Variants in DROSHA observed in about 807,000 individuals in gnomAD.
DROSHA encodes the protein drosha ribonuclease III.
Under a neutral mutation model 181.9 loss-of-function variants are expected in DROSHA, and 56 were observed. The ratio of observed to expected loss-of-function variants is 0.31; its 90% confidence interval spans 0.25 to 0.38. DROSHA has a LOEUF of 0.38. Ranked by LOEUF, DROSHA falls within the 10% of genes least tolerant of loss-of-function variation. The pLI is 1.00. For synonymous variants in DROSHA, 524 were observed against 591.2 expected, an observed-to-expected ratio of 0.89 and a Z score of 1.65; for missense variants, 1,218 against 1,743.5, an observed-to-expected ratio of 0.70 and a Z score of 5.37.
At chr5:31,519,040 C>T (rs1739580131) in intron 6 of DROSHA, among the ~76,000 whole-genome samples, 1 of 152,132 alleles carries the variant, frequency 6.6e-6, no homozygotes, top group Admixed American at 6.6e-5. Flanking sequence ...AAAATCCAAA[C>T]TCCCAATGTT....
intron 30 of DROSHA, among the ~76,000 whole-genome samples, chr5:31,418,548 C>A (rs1742254077): frequency 6.6e-6 from 1 of 152,184 alleles, no homozygotes; most frequent in Non-Finnish European, 1.5e-5. Flanking sequence ...GGATTACAGG[C>A]ATGAACCACC....
chr5:31,453,926 A>AT (rs201688994), intron 20 of DROSHA, among the ~76,000 whole-genome samples: 2 of 146,844 alleles, frequency 1.4e-5, no homozygotes, highest in African/African-American at 5.3e-5. Flanking sequence ...AACTGCTTTA[A>AT]TTAAAAAAAA....
rs752431198 is a variant in DROSHA, at chr5:31,437,259, A to G, written c.2922T>C (p.Ala974=). ...HNERLEFLGD[A]VVEFLTSVHL... is the part of the protein sequence containing the mutation. ...ATTACCTGGTCAGAAATTCAACAAC[A>G]GCATCACCCAGGAATTCCAACCGTT... The change falls in exon 24 of 36, where the codon GCT becomes GCC. Residue 974 remains alanine (A), a synonymous_variant. Coordinates refer to ENST00000344624, the MANE Select transcript of DROSHA (RefSeq NM_001382508.1). 1.0e-5 allele frequency: 16 copies of G among 1,579,506 alleles called. No homozygotes were observed. The highest frequency in any genetic ancestry group is 1.4e-5 in the Non-Finnish European group (16 of 1,161,500).
chr5:31,432,135 T>TA (rs1197163348), intron 25 of DROSHA, among the ~76,000 whole-genome samples: 113 of 130,132 alleles, frequency 8.7e-4, no homozygotes, highest in African/African-American at 3.6e-3. Flanking sequence ...ACAAAACAGA[T>TA]TTTTTTTTTT....
intron 13 of DROSHA, among the ~76,000 whole-genome samples, chr5:31,487,060 C>A (rs571528555): frequency 2.6e-5 from 4 of 152,144 alleles, no homozygotes; most frequent in East Asian, 3.9e-4. Context: ...ATAATAATAA[C>A]AAATGATAAT....
Position 31,424,437 on chromosome 5 carries a change from T to G in DROSHA, c.3251A>C (p.His1084Pro). ...LREVWLNYPLHPLQLQEPNTD... is the reference protein window; with the variant it reads ...LREVWLNYPLPPLQLQEPNTD... ...GGAGGTCATACTTACTTGGAGTGGG[T>G]GGAGAGGATAATTGAGCCAGACTTC... Residue 1084 changes from histidine (H) to proline (P), a missense_variant, in exon 28 of 36, where the codon CAC becomes CCC. His to Pro is a moderately conservative substitution (Grantham distance 77, BLOSUM62 -2). This residue lies in a region of DROSHA where 71 missense variants were observed against 95.2 expected (regional missense o/e 0.75). Coordinates refer to ENST00000344624, the MANE Select transcript of DROSHA (RefSeq NM_001382508.1). The G allele has an allele frequency of 6.3e-7, 1 of 1,598,446 alleles. No homozygotes were observed. The highest frequency in any genetic ancestry group is 8.5e-7 in the Non-Finnish European group (1 of 1,172,516).
At chr5:31,447,073 A>T (rs1445024938) in intron 23 of DROSHA, among the ~76,000 whole-genome samples, 1 of 152,184 alleles carries the variant, frequency 6.6e-6, no homozygotes, top group Non-Finnish European at 1.5e-5. Flanking sequence ...ACACCATGGA[A>T]TACTATGCAG....
intron 10 of DROSHA, among the ~76,000 whole-genome samples, chr5:31,505,432 T>C (rs560455524): frequency 6.6e-6 from 1 of 152,042 alleles, no homozygotes; most frequent in Non-Finnish European, 1.5e-5. Context: ...CCAGCATGCA[T>C]GAGAAAAGGA....
At chr5:31,495,265 T>C (rs1461647761) in intron 12 of DROSHA, 21 bp downstream of exon 12, 5 of 1,607,946 alleles carry the variant, frequency 3.1e-6, no homozygotes, top group Non-Finnish European at 3.4e-6. Context: ...ATGATATGCA[T>C]GTGATTCTTT....
In DROSHA at chr5:31,478,649, G is replaced by A. The variant is rs897381815; in HGVS notation, c.2071+4905C>T. Among the ~76,000 whole-genome samples, 12 of 152,228 alleles carry A rather than the reference G, an allele frequency of 7.9e-5. No homozygotes were observed. In the East Asian group the frequency reaches 1.9e-3, roughly 25 times the overall value. The stretch of plus-strand genomic sequence containing the variant: ...CTTGGGAGGCTGAGGCAAGAGAATC[G>A]CTTGAACCCGGGAGGCAGAGGTTGC... On this transcript the variant is annotated intron_variant, in intron 16 of 35. Coordinates refer to ENST00000344624, the MANE Select transcript of DROSHA (RefSeq NM_001382508.1).
chr5:31,529,103 G>A lies in DROSHA; in HGVS notation c.-44C>T, dbSNP rs1246316448. 17 of 1,606,836 alleles carry A rather than the reference G, an allele frequency of 1.1e-5. No homozygotes were observed. The highest frequency in any genetic ancestry group is 4.5e-5 in the East Asian group (2 of 44,790). ...GTCACATCTTCCACAGAGAATATAAGCTCTAAAAAACAGAAAGAATAAAAC... is the reference window on the plus strand; with the variant it reads ...GTCACATCTTCCACAGAGAATATAAACTCTAAAAAACAGAAAGAATAAAAC... On this transcript the variant is annotated splice_region_variant and 5_prime_UTR_variant, in exon 4 of 36. Transcript: ENST00000344624.
At chr5:31,502,930 T>A (rs1316287069) in intron 11 of DROSHA, among the ~76,000 whole-genome samples, 1 of 152,094 alleles carries the variant, frequency 6.6e-6, no homozygotes, top group Non-Finnish European at 1.5e-5. Context: ...GATGGACTCC[T>A]GGTCAGAAGC....
intron 26 of DROSHA, among the ~76,000 whole-genome samples, chr5:31,429,820 G>C (rs1401918442): frequency 6.6e-6 from 1 of 152,080 alleles, no homozygotes; most frequent in Non-Finnish European, 1.5e-5. Context: ...GAAGGGTAAA[G>C]GTATAAACCT....
chr5:31,412,924 A>G (rs145527988), intron 30 of DROSHA, among the ~76,000 whole-genome samples: 26 of 152,274 alleles, frequency 1.7e-4, no homozygotes, highest in African/African-American at 6.0e-4. Context: ...GATGGCTACT[A>G]TGGGAACAAG....
intron 27 of DROSHA, 148 bp downstream of exon 27, chr5:31,429,326 AG>A: frequency 1.6e-6 from 1 of 617,092 alleles, no homozygotes; most frequent in Non-Finnish European, 2.6e-6. Flanking sequence ...GAGTTGAATA[AG>A]CCATTTTGGT....
chr5:31,484,689 T>C (rs1751534384), intron 15 of DROSHA, among the ~76,000 whole-genome samples, 192 bp downstream of exon 15: 1 of 152,188 alleles, frequency 6.6e-6, no homozygotes, highest in Non-Finnish European at 1.5e-5. Flanking sequence ...TGTCAAACTG[T>C]ATAAAGTAAA....
chr5:31,519,293 T>A (rs1739610302), intron 6 of DROSHA, among the ~76,000 whole-genome samples: 1 of 152,106 alleles, frequency 6.6e-6, no homozygotes, highest in Admixed American at 6.6e-5. Context: ...TACTCTGGCT[T>A]TTCTCCTGTC....
At chr5:31,405,618 C>G in intron 35 of DROSHA, 59 bp downstream of exon 35, 1 of 1,434,640 alleles carries the variant, frequency 7.0e-7, no homozygotes. Context: ...TCCTCATTTC[C>G]TTTCCATAAA....
intron 27 of DROSHA, among the ~76,000 whole-genome samples, chr5:31,428,507 C>T (rs1463991961): frequency 6.6e-6 from 1 of 152,190 alleles, no homozygotes; most frequent in Non-Finnish European, 1.5e-5. Flanking sequence ...GGACACAGAG[C>T]ATCTGTAGAT....
Sources: allele counts gnomAD v4.1 joint callset (sites outside exome capture counted in the v4.1 genomes callset), GRCh38; gene constraint gnomAD v4.1.1; regional missense constraint gnomAD v4.1.1; transcripts MANE v1.5; gene names NCBI Gene and HGNC (gene_info 2026-07-23, HGNC 2026-07-21).